The following METTL15 variants were observed in gnomAD, a reference collection of about 807,000 sequenced individuals.
METTL15 encodes the protein 12S rRNA N(4)-cytidine methyltransferase METTL15.
In METTL15, 34 loss-of-function variants were observed where a neutral mutation model predicts 38.3. The ratio of observed to expected loss-of-function variants is 0.89; its 90% CI spans 0.68 to 1.18. The LOEUF (loss-of-function observed/expected upper bound fraction) is 1.18. Among genes scored for constraint, METTL15 ranks in the 50% most tolerant of loss-of-function variants. The pLI is 0.00. For missense variants in METTL15, 438 were observed against 498.4 expected (o/e 0.88, Z 1.15); for synonymous variants, 162 against 170.9 (o/e 0.95, Z 0.41).
chr11:28,375,292 G>A (rs998201130), intron 5 of METTL15, among the ~76,000 whole-genome samples: 4 of 146,464 alleles, frequency 2.7e-5, no homozygotes, highest in African/African-American at 1.0e-4. Flanking sequence ...AATCCATCTG[G>A]TCCTGGACTC....
At chr11:28,205,696 T>C (rs1484946663) in intron 3 of METTL15, among the ~76,000 whole-genome samples, 3 of 148,814 alleles carry the variant, frequency 2.0e-5, no homozygotes, top group Admixed American at 6.8e-5. Context: ...ACTTCCACAA[T>C]GGTTGAACTA....
chr11:28,139,699 G>C (rs1413672380), intron 3 of METTL15, among the ~76,000 whole-genome samples: 9 of 151,706 alleles, frequency 5.9e-5, no homozygotes, highest in Admixed American at 5.9e-4. Context: ...ACAAGGGAGA[G>C]TAAAGGGTGT....
intron 4 of METTL15, among the ~76,000 whole-genome samples, chr11:28,240,976 A>G (rs915621646): frequency 6.6e-6 from 1 of 152,190 alleles, no homozygotes; most frequent in African/African-American, 2.4e-5. Flanking sequence ...TAAAGAGCTT[A>G]TATGTTTCTG....
chr11:28,150,447 C>T (rs1303213683), intron 3 of METTL15, among the ~76,000 whole-genome samples: 4 of 151,916 alleles, frequency 2.6e-5, no homozygotes, highest in South Asian at 2.1e-4. Flanking sequence ...AACAAACACA[C>T]AAACTAACAT....
At chr11:28,322,374 T>A (rs947459897) in intron 6 of METTL15, among the ~76,000 whole-genome samples, 1 of 152,078 alleles carries the variant, frequency 6.6e-6, no homozygotes, top group Admixed American at 6.6e-5. Context: ...GTTCAAGCAA[T>A]TTCTAGCTGG....
intron 6 of METTL15, among the ~76,000 whole-genome samples, chr11:28,503,722 C>T (rs1165309425): frequency 2.7e-5 from 4 of 150,414 alleles, no homozygotes; most frequent in African/African-American, 4.9e-5. Context: ...ACCAGGGAGG[C>T]GGAGGATGCA....
At chr11:28,244,397 A>G (rs1854428059) in intron 4 of METTL15, among the ~76,000 whole-genome samples, 1 of 152,156 alleles carries the variant, frequency 6.6e-6, no homozygotes, top group South Asian at 2.1e-4. Context: ...CATTTTGTAT[A>G]TTCTGTGGTA....
intron 6 of METTL15, among the ~76,000 whole-genome samples, chr11:28,520,355 A>T (rs377215939): frequency 1.3e-5 from 2 of 152,150 alleles, no homozygotes; most frequent in Non-Finnish European, 2.9e-5. Flanking sequence ...AGAAAAAGAA[A>T]AAAAAGGAGT....
chr11:28,113,820 A>G lies in METTL15; in HGVS notation c.270+216A>G, dbSNP rs564688454. On this transcript the variant is annotated intron_variant, in intron 3 of 6. Transcript: ENST00000407364. Reference sequence around the variant, plus strand: ...TTTTAACTTTCAGGACAATATTCATATAAGTTACATGAGATAGTCAATAAC... The same window carrying G: ...TTTTAACTTTCAGGACAATATTCATGTAAGTTACATGAGATAGTCAATAAC... Among the ~76,000 whole-genome samples, 110 of 152,334 alleles carry G rather than the reference A, an allele frequency of 7.2e-4. No individual in the cohort carries two copies. The highest frequency in any genetic ancestry group is 1.2e-3 in the Non-Finnish European group (81 of 68,030).
intron 6 of METTL15, among the ~76,000 whole-genome samples, chr11:28,437,708 A>G (rs1295813016): frequency 6.6e-6 from 1 of 152,084 alleles, no homozygotes; most frequent in Non-Finnish European, 1.5e-5. Flanking sequence ...TGTTCGTTTT[A>G]TTTTGCCTAG....
At chr11:28,235,578 G>C (rs559748733) in intron 4 of METTL15, among the ~76,000 whole-genome samples, 35 of 152,104 alleles carry the variant, frequency 2.3e-4, no homozygotes, top group Non-Finnish European at 4.4e-4. Flanking sequence ...ATTGTGATTG[G>C]GAGTTCACTC....
intron 3 of METTL15, among the ~76,000 whole-genome samples, chr11:28,169,184 T>C (rs1638771698): frequency 6.6e-6 from 1 of 152,142 alleles, no homozygotes; most frequent in Non-Finnish European, 1.5e-5. Context: ...ATCATTACTA[T>C]TGTGAGAGGG....
At chr11:28,317,665 TTATC>T (rs1213489250) in intron 6 of METTL15, among the ~76,000 whole-genome samples, 3 of 152,304 alleles carry the variant, frequency 2.0e-5, no homozygotes, top group East Asian at 1.9e-4. Flanking sequence ...TTCAAATCAT[TTATC>T]TAGCCAGAAG....
chr11:28,322,533 G>A (rs1237157000), intron 6 of METTL15, among the ~76,000 whole-genome samples: 2 of 152,102 alleles, frequency 1.3e-5, no homozygotes, highest in Admixed American at 1.3e-4. Flanking sequence ...AAGGATGTGA[G>A]GAGATGGACT....
chr11:28,504,636 G>A (rs1851612450), intron 6 of METTL15, among the ~76,000 whole-genome samples: 1 of 152,220 alleles, frequency 6.6e-6, no homozygotes. Flanking sequence ...TGGGAAACAA[G>A]TAAACTGAGA....
At chr11:28,491,371 G>T (rs1251771891) in intron 6 of METTL15, among the ~76,000 whole-genome samples, 1 of 152,090 alleles carries the variant, frequency 6.6e-6, no homozygotes, top group Non-Finnish European at 1.5e-5. Context: ...AGGAGCTTGA[G>T]CACAAGAAAT....
chr11:28,367,302 A>G (rs913188039), intron 5 of METTL15, among the ~76,000 whole-genome samples: 1 of 152,152 alleles, frequency 6.6e-6, no homozygotes, highest in Non-Finnish European at 1.5e-5. Context: ...TGAGCTTCTA[A>G]AAAAGAAACC....
chr11:28,137,041 T>C (rs1478941025), intron 3 of METTL15, among the ~76,000 whole-genome samples: 2 of 890 alleles, frequency 2.2e-3, no homozygotes. Context: ...AGTGGAACTT[T>C]ATAGATAATT....
At chr11:28,510,525 TAAAC>T (rs1363840992) in intron 6 of METTL15, among the ~76,000 whole-genome samples, 1 of 152,176 alleles carries the variant, frequency 6.6e-6, no homozygotes, top group Non-Finnish European at 1.5e-5. Context: ...AGTAATAAAA[TAAAC>T]ATTAATGTTT....
Sources: allele counts gnomAD v4.1 joint callset (sites outside exome capture counted in the v4.1 genomes callset), GRCh38; gene constraint gnomAD v4.1.1; transcripts MANE v1.5; gene names NCBI Gene and HGNC (gene_info 2026-07-23, HGNC 2026-07-21).